LMBR1: variants seen among roughly 807,000 people sequenced by gnomAD.
The protein encoded by LMBR1 is limb development membrane protein 1.
LMBR1 carries 52 observed loss-of-function variants against 73.9 expected under a neutral mutation model. The observed-to-expected ratio is 0.70, with a 90% CI of 0.56 to 0.89. The LOEUF (loss-of-function observed/expected upper bound fraction) is 0.89. Among genes scored for constraint, LMBR1 ranks in the 40% least tolerant of loss-of-function variants. The pLI is 0.00. For missense variants in LMBR1, 539 were observed against 579.8 expected (o/e 0.93, Z 0.72); for synonymous variants, 215 against 209.4 (o/e 1.03, Z -0.23).
chr7:156,784,544 T>C (rs1468235076), intron 5 of LMBR1, among the ~76,000 whole-genome samples: 2 of 152,222 alleles, frequency 1.3e-5, no homozygotes, highest in Non-Finnish European at 2.9e-5. Flanking sequence ...CTTCTGTCTG[T>C]CCCTTATGTC....
intron 1 of LMBR1, among the ~76,000 whole-genome samples, chr7:156,851,233 A>C (rs1454953437): frequency 6.6e-6 from 1 of 152,198 alleles, no homozygotes; most frequent in Non-Finnish European, 1.5e-5. Context: ...CAGAGAAGTA[A>C]ACAAAATTAC....
chr7:156,756,397 T>C lies in LMBR1; in HGVS notation c.753A>G (p.Leu251=). 3 of 1,420,982 alleles carry C rather than the reference T, an allele frequency of 2.1e-6. No individual in the cohort carries two copies. The highest frequency in any genetic ancestry group is 3.0e-6 in the Non-Finnish European group (3 of 1,012,022). The allele number at this position is 1,420,982 out of a possible 1,614,324, so 88.0% of individuals were successfully genotyped here. Residue 251 remains leucine (L), a synonymous_variant, in exon 9 of 17, where the codon CTA becomes CTG. Transcript: ENST00000353442. The stretch of plus-strand genomic sequence containing the variant: ...AAATATGTAATATAAACATACCATT[T>C]AGTCGTCTCTGGAGTGCTTCTTCCT... ...TLEEEALQRR[L]NGLSSSVEYN...
intron 4 of LMBR1, among the ~76,000 whole-genome samples, chr7:156,672,254 G>A (rs866359747): frequency 8.5e-5 from 13 of 152,288 alleles, no homozygotes; most frequent in Middle Eastern, 6.8e-3. Context: ...TGGTCGGTGC[G>A]TGTACTGAGC....
At chr7:156,673,960 T>C (rs931275384), downstream of LMBR1, among the ~76,000 whole-genome samples, 2 of 151,754 alleles carry the variant, frequency 1.3e-5, no homozygotes, top group Non-Finnish European at 2.9e-5. Flanking sequence ...GACTAGAATA[T>C]TTGAAACCTG....
Position 156,718,558 on chromosome 7 carries a change from T to C in LMBR1, c.1225+5554A>G, listed in dbSNP as rs181934011. The stretch of plus-strand genomic sequence containing the variant: ...TGGCAACATGGCAAAACCCCGTCTC[T>C]ACAAAAAAATACAAAAAATTAGCCA... On this transcript the variant is annotated intron_variant, in intron 15 of 16. Coordinates refer to ENST00000353442, the MANE Select transcript of LMBR1 (RefSeq NM_022458.4). 3.7e-3 allele frequency among the ~76,000 whole-genome samples: 565 copies of C among 152,082 alleles called. 2 individuals carry two copies. The highest frequency in any genetic ancestry group is 8.3e-3 in the South Asian group (40 of 4,806).
rs1585731851 is a variant in LMBR1 at position 156,778,656 on chromosome 7, T to A, written c.424-14861A>T. On this transcript the variant is annotated intron_variant, in intron 5 of 16. Coordinates refer to ENST00000353442, the MANE Select transcript of LMBR1 (RefSeq NM_022458.4). ...TGTTAATTCAGCTTCCACTAGTAAATATACAAGTACTCAAAATCTATAAGC... is the reference window on the plus strand; with the variant it reads ...TGTTAATTCAGCTTCCACTAGTAAAAATACAAGTACTCAAAATCTATAAGC... Among the ~76,000 whole-genome samples, 3 of 152,200 alleles carry A rather than the reference T, an allele frequency of 2.0e-5. No individual in the cohort carries two copies. The South Asian group carries it at 6.2e-4, about 31-fold the overall frequency.
chr7:156,707,750 C>G (rs1335051282), intron 15 of LMBR1, among the ~76,000 whole-genome samples: 3 of 152,074 alleles, frequency 2.0e-5, no homozygotes, highest in Non-Finnish European at 4.4e-5. Flanking sequence ...AACAGTACCA[C>G]AGCCAAAAAT....
At chr7:156,778,861 C>CA (rs978410058) in intron 5 of LMBR1, among the ~76,000 whole-genome samples, 10 of 152,126 alleles carry the variant, frequency 6.6e-5, no homozygotes, top group African/African-American at 2.4e-4. Context: ...AGCATATAAG[C>CA]AAAAAATATG....
chr7:156,770,617 A>G (rs1456336100), intron 5 of LMBR1, among the ~76,000 whole-genome samples: 1 of 152,182 alleles, frequency 6.6e-6, no homozygotes, highest in Non-Finnish European at 1.5e-5. Context: ...GCAAACCACA[A>G]TACAGGAAGA....
chr7:156,787,808 G>A (rs1164807369), intron 5 of LMBR1, among the ~76,000 whole-genome samples: 1 of 151,930 alleles, frequency 6.6e-6, no homozygotes, highest in East Asian at 1.9e-4. Context: ...ACGGAGTCTC[G>A]CTCTGTCGCC....
At chr7:156,835,669 T>C (rs1208701554) in intron 2 of LMBR1, among the ~76,000 whole-genome samples, 1 of 138,848 alleles carries the variant, frequency 7.2e-6, no homozygotes, top group Non-Finnish European at 1.5e-5. Flanking sequence ...CACTCCCGCC[T>C]GGGCGACAGA....
intron 15 of LMBR1, among the ~76,000 whole-genome samples, chr7:156,713,417 G>T (rs1812516219): frequency 6.6e-6 from 1 of 152,176 alleles, no homozygotes; most frequent in African/African-American, 2.4e-5. Flanking sequence ...GTCAGTGCAG[G>T]TTCATCAACT....
chr7:156,876,527 A>C (rs1448764525), intron 1 of LMBR1, among the ~76,000 whole-genome samples: 2 of 152,232 alleles, frequency 1.3e-5, no homozygotes, highest in Non-Finnish European at 2.9e-5. Context: ...TATTCTATTC[A>C]TCAGAGCATG....
intron 4 of LMBR1, among the ~76,000 whole-genome samples, chr7:156,819,651 G>A (rs1834446896): frequency 6.6e-6 from 1 of 152,174 alleles, no homozygotes; most frequent in African/African-American, 2.4e-5. Flanking sequence ...GTGCTCTGGG[G>A]AAAAGGAAAT....
At chr7:156,744,812 A>G (rs989865500) in intron 9 of LMBR1, among the ~76,000 whole-genome samples, 1 of 152,232 alleles carries the variant, frequency 6.6e-6, no homozygotes, top group Admixed American at 6.5e-5. Flanking sequence ...AAGTGTTAGC[A>G]GGACTATAAT....
At chr7:156,828,083 C>T (rs1406707016) in intron 3 of LMBR1, among the ~76,000 whole-genome samples, 1 of 152,216 alleles carries the variant, frequency 6.6e-6, no homozygotes, top group African/African-American at 2.4e-5. Flanking sequence ...ATCCTGATTG[C>T]TATCATTCCT....
chr7:156,694,104 T>G (rs1032682100), intron 15 of LMBR1, among the ~76,000 whole-genome samples: 2 of 152,130 alleles, frequency 1.3e-5, no homozygotes, highest in Non-Finnish European at 2.9e-5. Context: ...GAATATACTT[T>G]CATGATAAAA....
intron 1 of LMBR1, among the ~76,000 whole-genome samples, chr7:156,845,538 A>G (rs1839441434): frequency 6.6e-6 from 1 of 152,178 alleles, no homozygotes; most frequent in Admixed American, 6.6e-5. Context: ...CTATTAAAAG[A>G]AAACACTGAT....
rs1366666900 is a variant in LMBR1 at position 156,682,900 on chromosome 7, G to A, written c.*1178C>T. On this transcript the variant is annotated 3_prime_UTR_variant, in exon 17 of 17. Transcript: ENST00000353442. ...CCCATCTCCTATTTTTGCATGCACA[G>A]ATTTCGGTATTCTATCCTAGTGGAT... 1 of 152,206 alleles carries A rather than the reference G, an allele frequency of 6.6e-6. No homozygotes were observed. The highest frequency in any genetic ancestry group is 1.5e-5 in the Non-Finnish European group (1 of 68,028). The allele number at this position is 152,206 out of a possible 1,614,324, so 9.4% of individuals were successfully genotyped here.
Sources: allele counts gnomAD v4.1 joint callset (sites outside exome capture counted in the v4.1 genomes callset), GRCh38; gene constraint gnomAD v4.1.1; transcripts MANE v1.5; gene names NCBI Gene and HGNC (gene_info 2026-07-23, HGNC 2026-07-21).